Variants in ALS2 observed in about 807,000 individuals in gnomAD.
The protein encoded by ALS2 is alsin.
Under a neutral mutation model 203.4 loss-of-function variants are expected in ALS2, and 117 were observed. That is an observed-to-expected ratio of 0.58 (90% CI 0.50 to 0.67). The LOEUF is 0.67. ALS2 is among the 30% of genes least tolerant of loss of function. The pLI, the probability that ALS2 is intolerant of heterozygous loss-of-function variation, is 0.00. For missense variants in ALS2, 1,715 were observed against 1,989.4 expected, an observed-to-expected ratio of 0.86 and a Z score of 2.62; for synonymous variants, 718 against 725.9, an observed-to-expected ratio of 0.99 and a Z score of 0.17.
rs1691294391 is a variant in ALS2, at chr2:201,727,901, T to C, written c.2842-126A>G. ...GTCTCTGCTGCAGAACCCCTTGAAA[T>C]AGTTAAGCCCATGTAGGTGCCACCA... On this transcript the variant is annotated intron_variant, in intron 15 of 33. Transcript: ENST00000264276. 3 of 943,670 alleles carry C rather than the reference T, an allele frequency of 3.2e-6. No individual in the cohort carries two copies. The Admixed American group carries it at 6.0e-5, about 19-fold the overall frequency. 58.5% of individuals were successfully genotyped at this position (943,670 alleles called of 1,614,324 possible).
chr2:201,769,999 T>C (rs1415524256), intron 1 of ALS2, among the ~76,000 whole-genome samples: 2 of 152,238 alleles, frequency 1.3e-5, no homozygotes, highest in Non-Finnish European at 2.9e-5. Flanking sequence ...ATGGGTACTA[T>C]GTTAACAAGA....
At chr2:201,715,613 G>T (rs1320115483) in intron 25 of ALS2, 59 bp downstream of exon 25, 15 of 1,588,500 alleles carry the variant, frequency 9.4e-6, no homozygotes, top group Non-Finnish European at 1.3e-5. Flanking sequence ...ACTACTTACT[G>T]GTCTTAAGTT....
chr2:201,768,453 A>G (rs942948575), intron 2 of ALS2, among the ~76,000 whole-genome samples: 3 of 152,198 alleles, frequency 2.0e-5, no homozygotes, highest in Non-Finnish European at 2.9e-5. Flanking sequence ...GCATTTATCT[A>G]TATTTGCTAA....
intron 19 of ALS2, among the ~76,000 whole-genome samples, chr2:201,725,987 T>C (rs1204393284): frequency 6.6e-6 from 1 of 152,202 alleles, no homozygotes; most frequent in Non-Finnish European, 1.5e-5. Flanking sequence ...ATCATGTAAA[T>C]ACATTTACAG....
rs767989674 is a variant in ALS2, at chr2:201,776,442, C to G, written c.-61+4435G>C. Among the ~76,000 whole-genome samples the G allele has an allele frequency of 7.9e-5, 12 of 151,838 alleles. No homozygotes were observed. The South Asian group carries it at 8.3e-4, about 11-fold the overall frequency. On this transcript the variant is annotated intron_variant, in intron 1 of 33. Coordinates refer to ENST00000264276, the MANE Select transcript of ALS2 (RefSeq NM_020919.4). ...ATGCCCATTTAGCTCTTTTTTGTAC[C>G]CACTGCATATTTTAAACACATTTTT...
chr2:201,748,577 A>G (rs1692821476), intron 8 of ALS2, among the ~76,000 whole-genome samples: 1 of 152,240 alleles, frequency 6.6e-6, no homozygotes, highest in Non-Finnish European at 1.5e-5. Context: ...ATGCTACATT[A>G]CAAAGGTTTC....
intron 13 of ALS2, among the ~76,000 whole-genome samples, chr2:201,729,705 C>T (rs1299680015): frequency 6.6e-6 from 1 of 151,676 alleles, no homozygotes; most frequent in African/African-American, 2.4e-5. Flanking sequence ...ACGGTAAAAC[C>T]CCGTATTCAC....
intron 3 of ALS2, among the ~76,000 whole-genome samples, chr2:201,765,193 G>A (rs1357455486): frequency 6.6e-6 from 1 of 151,960 alleles, no homozygotes; most frequent in Non-Finnish European, 1.5e-5. Context: ...TAGAAACATG[G>A]TCTCCCTATG....
chr2:201,711,027 C>T lies in ALS2; in HGVS notation c.4086G>A (p.Val1362=), dbSNP rs1465776474. The change falls in exon 26 of 34, where the codon GTG becomes GTA. Residue 1362 remains valine, a synonymous_variant. Coordinates refer to ENST00000264276, the MANE Select transcript of ALS2 (RefSeq NM_020919.4). ...FIPQHVGAFS[V]EKYDDIRKYL... ...ATTTCCTGATGTCATCATATTTCTC[C>T]ACAGAGAAGGCACCAACATGCTGTG... 7.4e-6 allele frequency: 12 copies of T among 1,611,772 alleles called. No homozygotes were observed. The highest frequency in any genetic ancestry group is 1.7e-5 in the Admixed American group (1 of 59,992).
At chr2:201,741,549 A>T in intron 11 of ALS2, 125 bp downstream of exon 11, 1 of 1,039,286 alleles carries the variant, frequency 9.6e-7, no homozygotes, top group Non-Finnish European at 1.5e-6. Flanking sequence ...AGATTAAAAT[A>T]CTGCTTTGCA....
chr2:201,721,451 C>T (rs1404594279), intron 23 of ALS2, among the ~76,000 whole-genome samples: 1 of 152,014 alleles, frequency 6.6e-6, no homozygotes, highest in Non-Finnish European at 1.5e-5. Flanking sequence ...GGTATTAACA[C>T]AAGGAGAGAC....
intron 4 of ALS2, 170 bp downstream of exon 4, chr2:201,760,711 A>G (rs530953401): frequency 7.0e-7 from 1 of 1,422,456 alleles, no homozygotes; most frequent in Admixed American, 3.0e-5. Context: ...AGTGATTTTG[A>G]ATTAATCCAG....
intron 5 of ALS2, among the ~76,000 whole-genome samples, chr2:201,755,186 T>C (rs1693303519): frequency 6.6e-6 from 1 of 151,882 alleles, no homozygotes; most frequent in Non-Finnish European, 1.5e-5. Context: ...AGCACAGGAG[T>C]TTGAGGTTAT....
At position 201,751,207 on chromosome 2, in the gene ALS2, T is replaced by C. The variant is rs142179661; in HGVS notation, c.1738-1418A>G. Among the ~76,000 whole-genome samples the C allele has an allele frequency of 1.1e-4, 17 of 152,310 alleles. No individual in the cohort carries two copies. The East Asian group carries it at 3.3e-3, about 29-fold the overall frequency. ...AAAAATCCTTGAATACATATATTCA[T>C]GTATCTATTTGCTTAGGATAAATTC... On this transcript the variant is annotated intron_variant, in intron 7 of 33. Transcript: ENST00000264276.
intron 13 of ALS2, among the ~76,000 whole-genome samples, chr2:201,731,909 C>A (rs1337564686): frequency 6.6e-6 from 1 of 152,028 alleles, no homozygotes; most frequent in African/African-American, 2.4e-5. Context: ...TGACTTTTGT[C>A]CCAGAATGAG....
intron 1 of ALS2, among the ~76,000 whole-genome samples, chr2:201,771,783 T>C (rs1694393684): frequency 6.6e-6 from 1 of 152,222 alleles, no homozygotes; most frequent in Non-Finnish European, 1.5e-5. Context: ...TCTGGGGATA[T>C]TTCTTCCAGA....
chr2:201,720,222 T>C (rs578247069), intron 23 of ALS2: 7 of 369,908 alleles, frequency 1.9e-5, no homozygotes, highest in South Asian at 6.0e-5. Flanking sequence ...CAACAAAATA[T>C]TCGCATTAAA....
intron 15 of ALS2, among the ~76,000 whole-genome samples, chr2:201,728,020 A>G (rs1691299909): frequency 6.6e-6 from 1 of 152,194 alleles, no homozygotes; most frequent in African/African-American, 2.4e-5. Flanking sequence ...CTCATTCTCA[A>G]GCTGGAAACT....
chr2:201,729,030 A>G (rs943956650), intron 14 of ALS2, 22 bp downstream of exon 14: 11 of 1,614,026 alleles, frequency 6.8e-6, no homozygotes, highest in Non-Finnish European at 9.3e-6. Flanking sequence ...TAGGGTAACA[A>G]ATGACAACTG....
Sources: allele counts gnomAD v4.1 joint callset (sites outside exome capture counted in the v4.1 genomes callset), GRCh38; gene constraint gnomAD v4.1.1; transcripts MANE v1.5; gene names NCBI Gene and HGNC (gene_info 2026-07-23, HGNC 2026-07-21).